The following TSPAN18 variants were observed in gnomAD, a reference collection of about 807,000 sequenced individuals.
The protein encoded by TSPAN18 is tetraspanin-18.
A neutral mutation model predicts 27.3 loss-of-function variants in TSPAN18; 14 were observed. The observed-to-expected ratio is 0.51, with a 90% CI of 0.34 to 0.80. The LOEUF (loss-of-function observed/expected upper bound fraction) is 0.80. Ranked by LOEUF, TSPAN18 falls within the 30% of genes least tolerant of loss-of-function variation. TSPAN18 has a pLI of 0.01. For missense variants in TSPAN18, 268 were observed against 323.9 expected (o/e 0.83, Z 1.32); for synonymous variants, 143 against 136.5 (o/e 1.05, Z -0.33).
intron 3 of TSPAN18, chr11:44,903,654 A>G (rs1409270161): frequency 4.4e-6 from 2 of 456,656 alleles, no homozygotes; most frequent in Non-Finnish European, 8.8e-6. Context: ...GATGTTTCAG[A>G]GACCCCTGTG....
At chr11:44,852,006 C>G (rs986488228) in intron 2 of TSPAN18, among the ~76,000 whole-genome samples, 3 of 152,182 alleles carry the variant, frequency 2.0e-5, no homozygotes, top group African/African-American at 7.2e-5. Context: ...TGCCCTCCCC[C>G]AATGCCTGAC....
chr11:44,759,331 G>T (rs1855398639), intron 1 of TSPAN18, among the ~76,000 whole-genome samples: 1 of 152,186 alleles, frequency 6.6e-6, no homozygotes, highest in Non-Finnish European at 1.5e-5. Context: ...GGTACAGTGG[G>T]GTGAGCTAGG....
chr11:44,843,692 C>T (rs1857422732), intron 2 of TSPAN18, among the ~76,000 whole-genome samples: 1 of 152,150 alleles, frequency 6.6e-6, no homozygotes, highest in East Asian at 1.9e-4. Context: ...AGAGACCTAC[C>T]CCTAGGTGCG....
chr11:44,868,570 T>C (rs548962969), intron 3 of TSPAN18, among the ~76,000 whole-genome samples: 43 of 152,330 alleles, frequency 2.8e-4, no homozygotes, highest in Admixed American at 2.0e-3. Flanking sequence ...CCTTCCTTGC[T>C]GCTTTCCTAG....
At chr11:44,791,457 C>G (rs575187792) in intron 2 of TSPAN18, among the ~76,000 whole-genome samples, 21 of 152,250 alleles carry the variant, frequency 1.4e-4, no homozygotes, top group Non-Finnish European at 2.5e-4. Flanking sequence ...TGTCCCCCGA[C>G]ATGTGAAGGC....
At chr11:44,728,787 A>G (rs1565123836) in intron 1 of TSPAN18, among the ~76,000 whole-genome samples, 1 of 152,180 alleles carries the variant, frequency 6.6e-6, no homozygotes, top group Non-Finnish European at 1.5e-5. Context: ...GAGGACTGTC[A>G]TCTTTGTCAT....
chr11:44,900,002 T>G (rs1472809095), intron 3 of TSPAN18, among the ~76,000 whole-genome samples: 1 of 152,232 alleles, frequency 6.6e-6, no homozygotes, highest in Non-Finnish European at 1.5e-5. Context: ...GTCTCAATTT[T>G]CTTCTCGCCC....
intron 2 of TSPAN18, among the ~76,000 whole-genome samples, chr11:44,837,840 AT>A (rs948596764): frequency 6.6e-5 from 10 of 152,112 alleles, no homozygotes; most frequent in South Asian, 2.1e-4. Context: ...AGGTATTTAC[AT>A]TTTTTTTAAA....
At chr11:44,726,547 C>G (rs912768692), upstream of TSPAN18, 2 of 152,114 alleles carry the variant, frequency 1.3e-5, no homozygotes, top group African/African-American at 4.8e-5. Flanking sequence ...CCCAGGAGCC[C>G]GATCAGGACC....
chr11:44,794,356 A>C (rs796811956), intron 2 of TSPAN18, among the ~76,000 whole-genome samples: 7 of 152,164 alleles, frequency 4.6e-5, no homozygotes, highest in African/African-American at 1.7e-4. Flanking sequence ...TGTAGAGCCC[A>C]GGGTCTTTGG....
intron 3 of TSPAN18, among the ~76,000 whole-genome samples, chr11:44,903,153 G>T (rs1488013068): frequency 6.6e-6 from 1 of 151,990 alleles, no homozygotes; most frequent in Non-Finnish European, 1.5e-5. Flanking sequence ...GAAGCCGTGG[G>T]ATATTATACT....
At chr11:44,889,277 A>G (rs1442564381) in intron 3 of TSPAN18, among the ~76,000 whole-genome samples, 1 of 151,994 alleles carries the variant, frequency 6.6e-6, no homozygotes, top group Admixed American at 6.5e-5. Context: ...CCCCATGTAA[A>G]CCCCTCTCCT....
At chr11:44,922,847 G>A (rs924459489) in intron 8 of TSPAN18, among the ~76,000 whole-genome samples, 10 of 152,180 alleles carry the variant, frequency 6.6e-5, no homozygotes, top group African/African-American at 1.9e-4. Flanking sequence ...GTTGGCTCAC[G>A]CCTGTAATCC....
chr11:44,906,070 C>T (rs1859442441), intron 3 of TSPAN18, among the ~76,000 whole-genome samples: 1 of 152,176 alleles, frequency 6.6e-6, no homozygotes. Flanking sequence ...TACCACGTGC[C>T]CGACGATGTG....
At chr11:44,798,404 C>T (rs895449714) in intron 2 of TSPAN18, among the ~76,000 whole-genome samples, 1 of 152,194 alleles carries the variant, frequency 6.6e-6, no homozygotes, top group African/African-American at 2.4e-5. Context: ...AGGATTAAGT[C>T]GCTTGTCCAA....
At chr11:44,849,867 C>T (rs919804083) in intron 2 of TSPAN18, among the ~76,000 whole-genome samples, 5 of 152,156 alleles carry the variant, frequency 3.3e-5, no homozygotes, top group Admixed American at 1.3e-4. Context: ...TGCTTGAGGA[C>T]ACATCAGATG....
chr11:44,728,445 T>G (rs1271490239), intron 1 of TSPAN18, among the ~76,000 whole-genome samples: 3 of 152,168 alleles, frequency 2.0e-5, no homozygotes, highest in Admixed American at 6.5e-5. Context: ...TTCCTGGATC[T>G]GGTCGAATCC....
intron 8 of TSPAN18, among the ~76,000 whole-genome samples, chr11:44,925,368 C>T (rs1465062620): frequency 2.0e-5 from 3 of 152,194 alleles, no homozygotes; most frequent in African/African-American, 4.8e-5. Context: ...CCCAGATCGT[C>T]GTGCCGGTGG....
At chr11:44,728,497 C>A in intron 1 of TSPAN18, among the ~76,000 whole-genome samples, 1 of 152,098 alleles carries the variant, frequency 6.6e-6, no homozygotes, top group Admixed American at 6.5e-5. Context: ...GGTATCCTCT[C>A]TCTGGGCACA....
Sources: allele counts gnomAD v4.1 joint callset (sites outside exome capture counted in the v4.1 genomes callset), GRCh38; gene constraint gnomAD v4.1.1; transcripts MANE v1.5; gene names NCBI Gene and HGNC (gene_info 2026-07-23, HGNC 2026-07-21).